The following TUSC3 variants were observed in gnomAD, a reference collection of about 807,000 sequenced individuals.
TUSC3 encodes the protein dolichyl-diphosphooligosaccharide--protein glycosyltransferase subunit TUSC3.
In TUSC3, 45 loss-of-function variants were observed where a neutral mutation model predicts 44.8. The ratio of observed to expected loss-of-function variants is 1.00; its 90% CI spans 0.79 to 1.29. TUSC3 has a LOEUF of 1.29. TUSC3 is among the 50% of genes most tolerant of loss of function. The pLI is 0.00. For missense variants in TUSC3, 519 were observed against 437.9 expected (o/e 1.19, Z -1.65); for synonymous variants, 212 against 152.9 (o/e 1.39, Z -2.85).
the TUSC3 span, chr8:15,806,274 T>C: frequency 1.6e-6 from 1 of 625,828 alleles, no homozygotes. Context: ...TCTGGGGATG[T>C]TCTCATTGGC....
intron 1 of TUSC3, among the ~76,000 whole-genome samples, chr8:15,452,349 T>C (rs574695473): frequency 2.6e-5 from 4 of 152,300 alleles, no homozygotes; most frequent in African/African-American, 9.6e-5. Context: ...TTTGGATGAA[T>C]TTGTAAATTA....
At chr8:15,439,443 G>T (rs530156193) in intron 1 of TUSC3, among the ~76,000 whole-genome samples, 7 of 152,300 alleles carry the variant, frequency 4.6e-5, no homozygotes, top group Non-Finnish European at 7.4e-5. Context: ...TGTAGTTCCA[G>T]CTACTCAGGA....
intron 1 of TUSC3, among the ~76,000 whole-genome samples, chr8:15,559,520 C>T (rs28770555): frequency 0.016 from 2,256 of 141,372 alleles, 188 homozygotes; most frequent in African/African-American, 0.054. Flanking sequence ...CTGTTAGGTC[C>T]GCTTGGTGCA....
downstream of TUSC3, among the ~76,000 whole-genome samples, chr8:15,769,553 G>C (rs1023572637): frequency 6.6e-6 from 1 of 152,022 alleles, no homozygotes; most frequent in Non-Finnish European, 1.5e-5. Flanking sequence ...CAAAATCAAT[G>C]GCAACAAATG....
At chr8:15,847,535 G>T in the TUSC3 span, among the ~76,000 whole-genome samples, 1 of 152,074 alleles carries the variant, frequency 6.6e-6, no homozygotes, top group African/African-American at 2.4e-5. Flanking sequence ...CTACCTAGGT[G>T]ACATCATTTT....
At chr8:15,847,044 A>G in the TUSC3 span, among the ~76,000 whole-genome samples, 4 of 152,174 alleles carry the variant, frequency 2.6e-5, no homozygotes, top group Non-Finnish European at 5.9e-5. Context: ...GCCCTAGTCC[A>G]TAACAGCACA....
chr8:15,782,953 G>A, the TUSC3 span, among the ~76,000 whole-genome samples: 4 of 151,722 alleles, frequency 2.6e-5, no homozygotes, highest in Admixed American at 2.6e-4. Flanking sequence ...AACATGATGT[G>A]ATAAAAAAAA....
chr8:15,466,955 G>C (rs539462673), intron 1 of TUSC3, among the ~76,000 whole-genome samples: 2 of 151,948 alleles, frequency 1.3e-5, no homozygotes, highest in South Asian at 2.1e-4. Flanking sequence ...ATTAGTTCCT[G>C]AGTACAGTAT....
At chr8:15,622,810 C>CTT (rs138823338) in intron 1 of TUSC3, among the ~76,000 whole-genome samples, 6 of 150,974 alleles carry the variant, frequency 4.0e-5, no homozygotes, top group Middle Eastern at 3.5e-3. Context: ...CTTGAGCCTT[C>CTT]TTTTTTTTTA....
chr8:15,590,081 C>G (rs569594001), intron 1 of TUSC3, among the ~76,000 whole-genome samples: 14 of 152,216 alleles, frequency 9.2e-5, no homozygotes, highest in South Asian at 6.2e-4. Context: ...AAGCATCTGA[C>G]TTAGTATTTA....
intron 2 of TUSC3, among the ~76,000 whole-genome samples, chr8:15,512,688 G>C (rs997501770): frequency 6.6e-6 from 1 of 151,628 alleles, no homozygotes; most frequent in African/African-American, 2.4e-5. Flanking sequence ...CAGGAGAGTT[G>C]CTTGAACCCG....
At position 15,710,515 on chromosome 8, in the gene TUSC3, C is replaced by G. The variant is rs898133624; in HGVS notation, c.799-20151C>G. On this transcript the variant is annotated intron_variant, in intron 6 of 10. Coordinates refer to ENST00000503731, the MANE Select transcript of TUSC3 (RefSeq NM_006765.4). ...ATAAGCAGATTCATTGAATGGGCCA[C>G]AAATTCCTATGGCAGGAAAACATAG... is the stretch of plus-strand genomic sequence containing the variant. Among the ~76,000 whole-genome samples, 3 of 142,900 alleles carry G rather than the reference C, an allele frequency of 2.1e-5. No individual in the cohort carries two copies. In the South Asian group the frequency reaches 6.8e-4, roughly 32 times the overall value. 93.7% of individuals were successfully genotyped at this position (142,900 alleles called of 152,430 possible).
chr8:15,774,755 A>C, the TUSC3 span, among the ~76,000 whole-genome samples: 1 of 152,174 alleles, frequency 6.6e-6, no homozygotes, highest in East Asian at 1.9e-4. Flanking sequence ...CCGAAAATGC[A>C]AATCAAAATC....
intron 1 of TUSC3, chr8:15,561,511 T>C (rs1585102342): frequency 6.7e-6 from 1 of 148,722 alleles, no homozygotes. Context: ...GCAGGCCTCC[T>C]TGAGCTGTGG....
At chr8:15,776,702 T>C in the TUSC3 span, among the ~76,000 whole-genome samples, 15 of 152,360 alleles carry the variant, frequency 9.8e-5, no homozygotes, top group East Asian at 2.7e-3. Context: ...GGCAGTGAGC[T>C]ATATTATCAC....
At chr8:15,438,337 C>G (rs1222881947) in intron 1 of TUSC3, among the ~76,000 whole-genome samples, 1 of 152,154 alleles carries the variant, frequency 6.6e-6, no homozygotes, top group African/African-American at 2.4e-5. Flanking sequence ...CTCAGGTGGT[C>G]CGCCTGCCTC....
chr8:15,618,611 G>T (rs969846631), intron 1 of TUSC3, among the ~76,000 whole-genome samples: 1 of 152,112 alleles, frequency 6.6e-6, no homozygotes, highest in Admixed American at 6.5e-5. Flanking sequence ...CCTCGTAAAG[G>T]ACCTGCCTGA....
chr8:15,752,051 A>G lies in TUSC3; in HGVS notation c.1028+3586A>G, dbSNP rs352790. 6.0e-3 allele frequency among the ~76,000 whole-genome samples: 911 copies of G among 152,276 alleles called. 8 individuals are homozygous for G. Among genetic ancestry groups the G allele is most frequent in the African/African-American group, 0.02 (850 of 41,570 alleles). On this transcript the variant is annotated intron_variant, in intron 9 of 10. Transcript: ENST00000503731. ...CTGTTTGGAGAAAATACATACATCCATGAACCGGGGAATAACAATATAAAG... is the reference window on the plus strand; with the variant it reads ...CTGTTTGGAGAAAATACATACATCCGTGAACCGGGGAATAACAATATAAAG...
At chr8:15,480,448 A>T (rs1369382172) in intron 1 of TUSC3, among the ~76,000 whole-genome samples, 4 of 152,202 alleles carry the variant, frequency 2.6e-5, no homozygotes, top group Admixed American at 2.6e-4. Context: ...TAAACAACAG[A>T]TATGTACTTT....
Sources: gnomAD v4.1 joint callset for allele counts (sites outside exome capture counted in the v4.1 genomes callset) on GRCh38, gnomAD v4.1.1 for gene constraint, MANE v1.5 for transcripts, NCBI Gene and HGNC (gene_info 2026-07-23, HGNC 2026-07-21) for gene names.